TNFRSF10D: variants seen among roughly 807,000 people sequenced by gnomAD.
TNFRSF10D encodes the protein TNF receptor superfamily member 10d.
In TNFRSF10D, 28 loss-of-function variants were observed where a neutral mutation model predicts 42.1. That is an observed-to-expected ratio of 0.66 (90% confidence interval 0.49 to 0.91). The LOEUF (loss-of-function observed/expected upper bound fraction) is 0.91. Among genes scored for constraint, TNFRSF10D ranks in the 40% least tolerant of loss-of-function variants. The pLI is 0.00. For synonymous variants in TNFRSF10D, 186 were observed against 189.4 expected (o/e 0.98, Z 0.15); for missense variants, 503 against 486.1 (o/e 1.03, Z -0.33).
chr8:23,138,781 T>C (rs1173506236), intron 7 of TNFRSF10D, among the ~76,000 whole-genome samples: 1 of 152,214 alleles, frequency 6.6e-6, no homozygotes, highest in Non-Finnish European at 1.5e-5. Flanking sequence ...TGGAAAGACA[T>C]TTGGTAAAAT....
In TNFRSF10D at chr8:23,137,611, G is replaced by C. The variant is rs149244529; in HGVS notation, c.*259C>G. 25 of 341,294 alleles carry C rather than the reference G, an allele frequency of 7.3e-5. No individual in the cohort carries two copies. In the East Asian group the frequency reaches 1.4e-3, roughly 19 times the overall value. 21.1% of individuals were successfully genotyped at this position (341,294 alleles called of 1,614,324 possible). ...TGAGCCACCGCATGTGGCCTAAAAC[G>C]ACCCTTAATACACAATCGTATAACT... On this transcript the variant is annotated 3_prime_UTR_variant, in exon 9 of 9. Coordinates refer to ENST00000312584, the MANE Select transcript of TNFRSF10D (RefSeq NM_003840.5).
chr8:23,145,546 G>A (rs1800106113), intron 5 of TNFRSF10D, 122 bp downstream of exon 5: 3 of 1,469,800 alleles, frequency 2.0e-6, no homozygotes, highest in Non-Finnish European at 2.8e-6. Flanking sequence ...CAAGAAGGAA[G>A]ACCAAGCCAG....
chr8:23,149,491 G>A (rs1020538596), intron 2 of TNFRSF10D, among the ~76,000 whole-genome samples: 7 of 151,074 alleles, frequency 4.6e-5, no homozygotes, highest in South Asian at 2.1e-4. Context: ...CACCCTCCTC[G>A]GCTTCCCAAA....
intron 7 of TNFRSF10D, among the ~76,000 whole-genome samples, chr8:23,140,196 G>A (rs575292600): frequency 2.0e-3 from 304 of 152,300 alleles, no homozygotes; most frequent in Non-Finnish European, 3.2e-3. Context: ...GGCTGAGGCA[G>A]GAGAATGGCG....
At chr8:23,152,219 T>C (rs1202291989) in intron 2 of TNFRSF10D, among the ~76,000 whole-genome samples, 2 of 152,126 alleles carry the variant, frequency 1.3e-5, no homozygotes, top group Non-Finnish European at 2.9e-5. Flanking sequence ...AACACAGAAG[T>C]GGTGTATTAC....
At chr8:23,152,575 C>A (rs144396526) in intron 2 of TNFRSF10D, among the ~76,000 whole-genome samples, 2 of 152,126 alleles carry the variant, frequency 1.3e-5, no homozygotes, top group Admixed American at 6.5e-5. Context: ...ATTAATTGGG[C>A]AAAAGATGCT....
intron 1 of TNFRSF10D, among the ~76,000 whole-genome samples, chr8:23,158,549 T>C (rs573978058): frequency 1.3e-5 from 2 of 152,340 alleles, no homozygotes; most frequent in South Asian, 4.1e-4. Context: ...GCTCAGTGGA[T>C]TTACAGGGAG....
At chr8:23,144,328 C>G in intron 7 of TNFRSF10D, 122 bp downstream of exon 7, 1 of 1,178,876 alleles carries the variant, frequency 8.5e-7, no homozygotes. Context: ...CTGCAGTCCC[C>G]TGTCTCCCAA....
chr8:23,150,018 G>A (rs914354099), intron 2 of TNFRSF10D, among the ~76,000 whole-genome samples: 9 of 152,156 alleles, frequency 5.9e-5, no homozygotes, highest in African/African-American at 2.2e-4. Context: ...ACCAGAAAGT[G>A]CAGGAAACAG....
chr8:23,144,978 G>A, intron 6 of TNFRSF10D, 80 bp downstream of exon 6: 1 of 1,589,342 alleles, frequency 6.3e-7, no homozygotes, highest in East Asian at 2.2e-5. Context: ...ACAAGGGATT[G>A]TGCCCACCCA....
intron 1 of TNFRSF10D, among the ~76,000 whole-genome samples, chr8:23,158,971 C>A (rs953198720): frequency 6.6e-6 from 1 of 152,164 alleles, no homozygotes; most frequent in Non-Finnish European, 1.5e-5. Flanking sequence ...TTCTGCTTTG[C>A]TCCTATGTCC....
At chr8:23,152,363 T>G (rs1191677566) in intron 2 of TNFRSF10D, among the ~76,000 whole-genome samples, 1 of 152,156 alleles carries the variant, frequency 6.6e-6, no homozygotes, top group African/African-American at 2.4e-5. Flanking sequence ...GACTACACCT[T>G]TATAAAGATC....
At chr8:23,163,077 A>C (rs1240084320) in intron 1 of TNFRSF10D, among the ~76,000 whole-genome samples, 2 of 134,684 alleles carry the variant, frequency 1.5e-5, no homozygotes, top group Non-Finnish European at 3.1e-5. Flanking sequence ...GCAGGCTGCC[A>C]CGCCTGGCTA....
Position 23,146,856 on chromosome 8 carries a change from C to CAT in TNFRSF10D, c.482+104_482+105insAT, listed in dbSNP as rs61160958. ...AAACCCCACAGGCTCAGGGAGGCCT[C>CAT]GGGCCTGGAGGATCCATGGGGTCAG... On this transcript the variant is annotated intron_variant, in intron 4 of 8. Transcript: ENST00000312584. 8,491 of 979,608 alleles carry CAT rather than the reference C, an allele frequency of 8.7e-3. 432 individuals carry two copies. The African/African-American group carries it at 0.12, about 14-fold the overall frequency. 60.7% of individuals were successfully genotyped at this position (979,608 alleles called of 1,614,324 possible).
At chr8:23,161,936 C>A (rs1230522114) in intron 1 of TNFRSF10D, among the ~76,000 whole-genome samples, 1 of 152,132 alleles carries the variant, frequency 6.6e-6, no homozygotes. Flanking sequence ...TGTGGACACA[C>A]GATACATACA....
intron 1 of TNFRSF10D, among the ~76,000 whole-genome samples, chr8:23,155,574 C>G (rs1384431180): frequency 6.6e-6 from 1 of 151,970 alleles, no homozygotes; most frequent in East Asian, 1.9e-4. Context: ...AAAAAATTAG[C>G]TGGGCATGGT....
intron 2 of TNFRSF10D, among the ~76,000 whole-genome samples, chr8:23,151,360 C>A (rs372017946): frequency 2.0e-5 from 3 of 149,616 alleles, no homozygotes; most frequent in Non-Finnish European, 4.4e-5. Flanking sequence ...AAAAAAAAAA[C>A]GGGGGGAGTT....
In TNFRSF10D at chr8:23,137,076, A is replaced by AC. The variant is rs1189944487; in HGVS notation, c.*793dup. 3.3e-5 allele frequency: 5 copies of AC among 152,310 alleles called. No homozygotes were observed. In the East Asian group the frequency reaches 9.6e-4, roughly 29 times the overall value. 9.4% of individuals were successfully genotyped at this position (152,310 alleles called of 1,614,324 possible). ...AGTTTTTCCATGTTTACATCATTAT[A>AC]CAAAAATCGGAAAAGAGATGTACAG... On this transcript the variant is annotated 3_prime_UTR_variant, in exon 9 of 9. Coordinates refer to ENST00000312584, the MANE Select transcript of TNFRSF10D (RefSeq NM_003840.5).
chr8:23,136,829 A>C lies in TNFRSF10D; in HGVS notation c.*1041T>G, dbSNP rs895152050. The C allele has an allele frequency of 1.3e-5, 2 of 151,954 alleles. No individual in the cohort carries two copies. Among genetic ancestry groups the C allele is most frequent in the Non-Finnish European group, 2.9e-5 (2 of 67,974 alleles). 9.4% of individuals were successfully genotyped at this position (151,954 alleles called of 1,614,324 possible). A position where few individuals can be genotyped will look rare whatever the true frequency, so the allele number is the denominator to read the frequency against. On this transcript the variant is annotated 3_prime_UTR_variant, in exon 9 of 9. Coordinates refer to ENST00000312584, the MANE Select transcript of TNFRSF10D (RefSeq NM_003840.5). ...TATTTATAAATAAATATGGCTATAT[A>C]CCTCTAAAATTAACAAGTAAGACAA...
Sources: gnomAD v4.1 joint callset for allele counts (sites outside exome capture counted in the v4.1 genomes callset) on GRCh38, gnomAD v4.1.1 for gene constraint, MANE v1.5 for transcripts, NCBI Gene and HGNC (gene_info 2026-07-23, HGNC 2026-07-21) for gene names.